Variants in TBC1D5 observed in about 807,000 individuals in gnomAD.
TBC1D5 encodes the protein TBC1 domain family member 5.
TBC1D5 carries 75 observed loss-of-function variants against 100.3 expected under a neutral mutation model. That is an observed-to-expected ratio of 0.75 (90% CI 0.62 to 0.91). TBC1D5 has a LOEUF of 0.91. Among genes scored for constraint, TBC1D5 ranks in the 40% least tolerant of loss-of-function variants. The probability of loss-of-function intolerance (pLI) is 0.00; values close to 1 mark genes in which losing one functional copy is unlikely to be tolerated. For missense variants in TBC1D5, 910 were observed against 942.4 expected, an observed-to-expected ratio of 0.97 and a Z score of 0.45; for synonymous variants, 323 against 325.6, an observed-to-expected ratio of 0.99 and a Z score of 0.09.
intron 1 of TBC1D5, chr3:17,646,897 A>AC (rs1294904175): frequency 6.6e-6 from 1 of 151,480 alleles, no homozygotes; most frequent in Non-Finnish European, 1.5e-5. Flanking sequence ...CCCTGTTCCA[A>AC]CCCCTCCCAC....
chr3:17,444,958 C>A (rs1372046652), intron 3 of TBC1D5, among the ~76,000 whole-genome samples: 2 of 152,148 alleles, frequency 1.3e-5, no homozygotes, highest in African/African-American at 4.8e-5. Flanking sequence ...GCATACTATA[C>A]AGAACTGTCC....
At chr3:17,552,192 G>GA (rs879651819) in intron 2 of TBC1D5, among the ~76,000 whole-genome samples, 45 of 138,686 alleles carry the variant, frequency 3.2e-4, no homozygotes, top group Non-Finnish European at 3.5e-4. Context: ...TCTTAAGAGA[G>GA]AAAAAAAAAA....
chr3:17,560,174 A>C (rs2096549415), intron 2 of TBC1D5, among the ~76,000 whole-genome samples: 1 of 152,228 alleles, frequency 6.6e-6, no homozygotes, highest in Non-Finnish European at 1.5e-5. Context: ...AAAATATAGA[A>C]CAAAATGTTT....
At chr3:17,365,344 C>T (rs1429799169) in intron 13 of TBC1D5, among the ~76,000 whole-genome samples, 2 of 152,136 alleles carry the variant, frequency 1.3e-5, no homozygotes, top group Admixed American at 6.6e-5. Context: ...TCCTTCTTGG[C>T]CTTTGACTAT....
chr3:17,489,989 C>T (rs1290748373), intron 3 of TBC1D5, among the ~76,000 whole-genome samples: 1 of 152,182 alleles, frequency 6.6e-6, no homozygotes. Flanking sequence ...CCTACTTCTC[C>T]ACAGCCTCAT....
intron 15 of TBC1D5, among the ~76,000 whole-genome samples, chr3:17,265,892 T>C (rs2078797642): frequency 6.6e-6 from 1 of 152,020 alleles, no homozygotes; most frequent in Non-Finnish European, 1.5e-5. Flanking sequence ...TTGCTTTTTT[T>C]TTTTTTAACT....
chr3:17,343,062 C>T (rs1373255117), intron 13 of TBC1D5, among the ~76,000 whole-genome samples: 1 of 152,090 alleles, frequency 6.6e-6, no homozygotes, highest in Non-Finnish European at 1.5e-5. Context: ...AAAGGGAATG[C>T]TTCCAGTTTT....
intron 1 of TBC1D5, among the ~76,000 whole-genome samples, chr3:17,634,626 TAAAAAAAAA>T (rs1000749608): frequency 2.3e-5 from 2 of 85,520 alleles, no homozygotes; most frequent in Non-Finnish European, 2.4e-5. Flanking sequence ...GCTAATAGGG[TAAAAAAAAA>T]AAAAAAAAAA....
chr3:17,512,464 T>TA (rs1248658050), intron 2 of TBC1D5, among the ~76,000 whole-genome samples: 1 of 152,110 alleles, frequency 6.6e-6, no homozygotes, highest in Non-Finnish European at 1.5e-5. Context: ...CCAAGATACA[T>TA]ACAGAGAAAA....
chr3:17,686,181 A>G (rs1313522204), intron 1 of TBC1D5, among the ~76,000 whole-genome samples: 2 of 152,142 alleles, frequency 1.3e-5, no homozygotes, highest in African/African-American at 4.8e-5. Context: ...CCTTGAAAGA[A>G]CACGATGAGA....
chr3:17,568,343 T>C (rs2096605997), intron 2 of TBC1D5, among the ~76,000 whole-genome samples: 4 of 151,524 alleles, frequency 2.6e-5, no homozygotes, highest in Admixed American at 2.6e-4. Context: ...GTCAACCACA[T>C]TAACATAGTT....
At chr3:17,394,196 C>G (rs2093436543) in intron 8 of TBC1D5, among the ~76,000 whole-genome samples, 3 of 152,252 alleles carry the variant, frequency 2.0e-5, no homozygotes, top group African/African-American at 7.2e-5. Flanking sequence ...ACAGTATCTA[C>G]TTATTTAGTC....
intron 3 of TBC1D5, among the ~76,000 whole-genome samples, chr3:17,494,213 G>T (rs1317783359): frequency 6.6e-6 from 1 of 152,058 alleles, no homozygotes; most frequent in Non-Finnish European, 1.5e-5. Context: ...ATTCGCCTGG[G>T]TCACCCCCCA....
chr3:17,390,546 A>T, intron 8 of TBC1D5, among the ~76,000 whole-genome samples: 1 of 152,096 alleles, frequency 6.6e-6, no homozygotes, highest in South Asian at 2.1e-4. Context: ...GAAAAAGGAA[A>T]GCCCTTGGTG....
At chr3:17,654,182 A>G (rs1359199532) in intron 1 of TBC1D5, among the ~76,000 whole-genome samples, 2 of 152,192 alleles carry the variant, frequency 1.3e-5, no homozygotes, top group Admixed American at 6.5e-5. Context: ...GGTTCCTACT[A>G]TATTTTAAAT....
intron 1 of TBC1D5, among the ~76,000 whole-genome samples, chr3:17,634,144 A>G (rs1011529888): frequency 6.6e-6 from 1 of 152,318 alleles, no homozygotes; most frequent in Non-Finnish European, 1.5e-5. Flanking sequence ...TAGTACAACC[A>G]TTATGGAGAA....
At chr3:17,363,749 T>C (rs1338479952) in intron 13 of TBC1D5, among the ~76,000 whole-genome samples, 2 of 152,122 alleles carry the variant, frequency 1.3e-5, no homozygotes, top group South Asian at 2.1e-4. Context: ...GTTTTCACTA[T>C]ATGTACTGGC....
At chr3:17,651,926 G>A (rs543345588) in intron 1 of TBC1D5, among the ~76,000 whole-genome samples, 4 of 152,100 alleles carry the variant, frequency 2.6e-5, no homozygotes, top group East Asian at 1.9e-4. Context: ...AAATGAGAAC[G>A]AAATAATGCA....
chr3:17,233,473 C>T (rs1321179882), intron 17 of TBC1D5, among the ~76,000 whole-genome samples: 1 of 152,046 alleles, frequency 6.6e-6, no homozygotes, highest in Admixed American at 6.6e-5. Context: ...AATAGAAAAC[C>T]CACATCACAG....
Sources: gnomAD v4.1 joint callset for allele counts (sites outside exome capture counted in the v4.1 genomes callset) on GRCh38, gnomAD v4.1.1 for gene constraint, MANE v1.5 for transcripts, NCBI Gene and HGNC (gene_info 2026-07-23, HGNC 2026-07-21) for gene names.